Variants in MAP2K1 observed in about 807,000 individuals in gnomAD.
MAP2K1 encodes the protein mitogen-activated protein kinase kinase 1.
MAP2K1 carries 16 observed loss-of-function variants against 46.3 expected under a neutral mutation model. The observed-to-expected ratio is 0.35, with a 90% CI of 0.23 to 0.52. The LOEUF is 0.52. Among genes scored for constraint, MAP2K1 ranks in the 20% least tolerant of loss-of-function variants. MAP2K1 has a pLI of 0.94. For missense variants in MAP2K1, 263 were observed against 497.1 expected (o/e 0.53, Z 4.48); for synonymous variants, 183 against 185.6 (o/e 0.99, Z 0.11).
At chr15:66,406,527 ATAAC>A (rs1426169214) in intron 1 of MAP2K1, among the ~76,000 whole-genome samples, 2 of 152,240 alleles carry the variant, frequency 1.3e-5, no homozygotes, top group Non-Finnish European at 1.5e-5. Context: ...TGATTTCGGT[ATAAC>A]TAACAGACTC....
chr15:66,391,287 G>A (rs1255659236), intron 1 of MAP2K1, among the ~76,000 whole-genome samples: 2 of 152,130 alleles, frequency 1.3e-5, no homozygotes, highest in Admixed American at 1.3e-4. Context: ...TTTAAGCACA[G>A]CACTGCCTTT....
chr15:66,479,827 G>T (rs1892871347), intron 5 of MAP2K1, among the ~76,000 whole-genome samples: 1 of 152,150 alleles, frequency 6.6e-6, no homozygotes, highest in Non-Finnish European at 1.5e-5. Flanking sequence ...ATTACCCCCA[G>T]GCTGAAGATG....
At chr15:66,392,255 G>GTTTTTTTTT (rs58831070) in intron 1 of MAP2K1, among the ~76,000 whole-genome samples, 2 of 97,754 alleles carry the variant, frequency 2.0e-5, no homozygotes, top group African/African-American at 9.1e-5. Context: ...TTTTTTTTGG[G>GTTTTTTTTT]TTTTTTTTTT....
chr15:66,473,700 C>CG, intron 5 of MAP2K1, among the ~76,000 whole-genome samples: 1 of 152,176 alleles, frequency 6.6e-6, no homozygotes, highest in African/African-American at 2.4e-5. Flanking sequence ...TTTTTTGAGA[C>CG]AAAGTCTCGC....
At chr15:66,388,647 A>G (rs2093348906) in intron 1 of MAP2K1, among the ~76,000 whole-genome samples, 1 of 152,166 alleles carries the variant, frequency 6.6e-6, no homozygotes. Context: ...CTGGGATTAC[A>G]GGCATGAGCC....
At chr15:66,479,385 A>T (rs1892860282) in intron 5 of MAP2K1, among the ~76,000 whole-genome samples, 1 of 152,216 alleles carries the variant, frequency 6.6e-6, no homozygotes, top group Non-Finnish European at 1.5e-5. Context: ...GGCGTGAGCC[A>T]CCATATCCTG....
intron 1 of MAP2K1, among the ~76,000 whole-genome samples, chr15:66,388,999 C>T (rs1426577336): frequency 2.0e-5 from 3 of 150,556 alleles, no homozygotes; most frequent in Non-Finnish European, 3.0e-5. Context: ...CTCTGCCTCC[C>T]GGGTTCAAGC....
chr15:66,408,594 G>A (rs1237871145), intron 1 of MAP2K1, among the ~76,000 whole-genome samples: 1 of 152,088 alleles, frequency 6.6e-6, no homozygotes, highest in Non-Finnish European at 1.5e-5. Context: ...GTGTTAATTT[G>A]GGATGGGTAG....
chr15:66,437,378 A>T (rs942656948), intron 3 of MAP2K1, among the ~76,000 whole-genome samples: 2 of 152,214 alleles, frequency 1.3e-5, no homozygotes, highest in African/African-American at 2.4e-5. Context: ...CTAATTAATC[A>T]TATGCATGTT....
chr15:66,485,053 CT>C lies in MAP2K1; in HGVS notation c.758del (p.Leu253ArgfsTer2). The C allele has an allele frequency of 6.2e-7, 1 of 1,613,906 alleles. No individual in the cohort carries two copies. Among genetic ancestry groups the C allele is most frequent in the Non-Finnish European group, 8.5e-7 (1 of 1,180,044 alleles). On this transcript the variant is annotated frameshift_variant, in exon 7 of 11. Coordinates refer to ENST00000307102, the MANE Select transcript of MAP2K1 (RefSeq NM_002755.4). LOFTEE classifies it high-confidence loss of function. ...AGACATCTGGAGCATGGGACTGTCT[CT>C]GGTAGAGATGGCGGTTGGGAGGTAT... ...QSDIWSMGLS[L>X]VEMAVGRYPI...
chr15:66,460,314 A>T (rs976403835), intron 5 of MAP2K1, among the ~76,000 whole-genome samples: 1 of 152,186 alleles, frequency 6.6e-6, no homozygotes, highest in African/African-American at 2.4e-5. Context: ...TTTGTCTCTT[A>T]GCTCCTTAAG....
intron 5 of MAP2K1, among the ~76,000 whole-genome samples, chr15:66,478,439 C>G (rs1892824582): frequency 1.6e-5 from 2 of 128,682 alleles, no homozygotes; most frequent in South Asian, 4.6e-4. Context: ...TATATACACA[C>G]AGGTATATAT....
intron 5 of MAP2K1, among the ~76,000 whole-genome samples, chr15:66,477,643 C>T (rs751142105): frequency 2.0e-5 from 3 of 152,256 alleles, no homozygotes; most frequent in Non-Finnish European, 4.4e-5. Context: ...GGGCTTCTGT[C>T]TCACTAGCCA....
intron 3 of MAP2K1, among the ~76,000 whole-genome samples, chr15:66,442,796 A>G (rs1298600373): frequency 1.3e-5 from 2 of 152,176 alleles, no homozygotes; most frequent in African/African-American, 2.4e-5. Flanking sequence ...TGGGCCTCCA[A>G]AATGTCTGAC....
chr15:66,478,442 G>GTATATATATATACAGGTATA (rs869237987), intron 5 of MAP2K1, among the ~76,000 whole-genome samples: 1 of 138,396 alleles, frequency 7.2e-6, no homozygotes, highest in Non-Finnish European at 1.5e-5. Context: ...ATACACACAG[G>GTATATATATATACAGGTATA]TATATATATA....
chr15:66,479,892 TTTA>T (rs1892872825), intron 5 of MAP2K1, among the ~76,000 whole-genome samples: 2 of 151,874 alleles, frequency 1.3e-5, no homozygotes, highest in African/African-American at 4.8e-5. Context: ...ATGATTTTTT[TTTA>T]TTATTTTTAT....
At chr15:66,387,854 T>A (rs1365265084) in intron 1 of MAP2K1, among the ~76,000 whole-genome samples, 1 of 152,184 alleles carries the variant, frequency 6.6e-6, no homozygotes, top group African/African-American at 2.4e-5. Context: ...GGGTATTAAG[T>A]GTGGAGCATC....
intron 3 of MAP2K1, 85 bp downstream of exon 3, chr15:66,436,977 G>C: frequency 7.2e-7 from 1 of 1,390,256 alleles, no homozygotes. Context: ...GAGGTGACCA[G>C]CTACCTCCCT....
At chr15:66,459,069 C>T (rs1211904153) in intron 5 of MAP2K1, among the ~76,000 whole-genome samples, 1 of 151,898 alleles carries the variant, frequency 6.6e-6, no homozygotes, top group Non-Finnish European at 1.5e-5. Flanking sequence ...AAGCCCAGCA[C>T]TTTGGGAGGT....
Sources: allele counts gnomAD v4.1 joint callset (sites outside exome capture counted in the v4.1 genomes callset), GRCh38; gene constraint gnomAD v4.1.1; transcripts MANE v1.5; gene names NCBI Gene and HGNC (gene_info 2026-07-23, HGNC 2026-07-21).